The following HPS4 variants were observed in gnomAD, a reference collection of about 807,000 sequenced individuals.
HPS4 encodes BLOC-3 complex member HPS4.
HPS4 carries 44 observed loss-of-function variants against 70.3 expected under a neutral mutation model. That is an observed-to-expected ratio of 0.63 (90% CI 0.49 to 0.80). The LOEUF is 0.80. Ranked by LOEUF, HPS4 falls within the 30% of genes least tolerant of loss-of-function variation. The probability of loss-of-function intolerance (pLI) is 0.00; values close to 1 mark genes in which losing one functional copy is unlikely to be tolerated. For missense variants in HPS4, 873 were observed against 884.4 expected (o/e 0.99, Z 0.16); for synonymous variants, 377 against 355.9 (o/e 1.06, Z -0.67).
chr22:26,461,911 G>T (rs1264168595), intron 11 of HPS4, among the ~76,000 whole-genome samples: 2 of 152,236 alleles, frequency 1.3e-5, no homozygotes, highest in South Asian at 4.1e-4. Context: ...CAGATTACCT[G>T]AGGTCAGGAG....
intron 4 of HPS4, chr22:26,476,195 T>A (rs1213606449): frequency 6.6e-6 from 1 of 152,038 alleles, no homozygotes; most frequent in African/African-American, 2.4e-5. Context: ...TTTAAAAAAT[T>A]TTCGTAATAA....
At chr22:26,462,468 T>C (rs979396989) in intron 11 of HPS4, among the ~76,000 whole-genome samples, 10 of 152,234 alleles carry the variant, frequency 6.6e-5, no homozygotes, top group Admixed American at 3.9e-4. Flanking sequence ...GGCTGTTTTC[T>C]TACTGGTAAA....
downstream of HPS4, among the ~76,000 whole-genome samples, chr22:26,447,907 A>C (rs1293192559): frequency 6.6e-6 from 1 of 152,152 alleles, no homozygotes; most frequent in East Asian, 1.9e-4. Flanking sequence ...GTTCGAGGTG[A>C]GGGCACCTGC....
At chr22:26,482,663 C>T (rs2091408303) in intron 1 of HPS4, 2 of 152,164 alleles carry the variant, frequency 1.3e-5, no homozygotes, top group Admixed American at 6.5e-5. Context: ...AGAAAGACAG[C>T]TCAGTGTATC....
intron 6 of HPS4, 29 bp from the exon 7 acceptor site, chr22:26,470,842 C>G: frequency 6.2e-7 from 1 of 1,613,640 alleles, no homozygotes; most frequent in Non-Finnish European, 8.5e-7. Context: ...ATCATGCCCA[C>G]CCATCAGCAT....
intron 1 of HPS4, among the ~76,000 whole-genome samples, chr22:26,483,206 G>C (rs148254175): frequency 6.4e-4 from 97 of 152,302 alleles, no homozygotes; most frequent in Middle Eastern, 3.4e-3. Context: ...TCTGTTACTG[G>C]AACCAAGGAC....
intron 2 of HPS4, 94 bp from the exon 3 acceptor site, chr22:26,479,449 T>C (rs2146984261): frequency 6.5e-7 from 1 of 1,547,328 alleles, no homozygotes; most frequent in East Asian, 2.4e-5. Flanking sequence ...GAGGAGGGCT[T>C]ATTACTGTGT....
chr22:26,468,992 G>T (rs1313278638), intron 7 of HPS4, among the ~76,000 whole-genome samples: 3 of 152,126 alleles, frequency 2.0e-5, no homozygotes, highest in Non-Finnish European at 1.5e-5. Context: ...CATATGAACC[G>T]GTAAGGAAAT....
At chr22:26,444,596 T>TTA (rs1401039592) in exon 4 of HPS4, 7 of 152,228 alleles carry the variant, frequency 4.6e-5, no homozygotes, top group Non-Finnish European at 2.9e-5. Context: ...CAGTGTCAGA[T>TTA]TTATAAAGCC....
At chr22:26,478,432 G>A (rs1432901412) in intron 3 of HPS4, among the ~76,000 whole-genome samples, 1 of 151,914 alleles carries the variant, frequency 6.6e-6, no homozygotes, top group African/African-American at 2.4e-5. Context: ...TTAGCCGGGC[G>A]TGGTAGCGGG....
intron 13 of HPS4, among the ~76,000 whole-genome samples, chr22:26,455,743 T>TAA (rs386395105): frequency 0.046 from 6,663 of 145,362 alleles, 189 homozygotes; most frequent in African/African-American, 0.07. Flanking sequence ...ATAATAAAAT[T>TAA]AAAAAAAAAA....
Position 26,483,760 on chromosome 22 carries a change from C to T in HPS4, c.-565G>A, listed in dbSNP as rs2091578891. 1.7e-6 allele frequency: 1 copy of T among 580,994 alleles called. No individual in the cohort carries two copies. 36.0% of individuals were successfully genotyped at this position (580,994 alleles called of 1,614,324 possible). ...AGCTGGGTACCTGCGACTTCTGCCC[C>T]GTACCTGCGCGCGCGGCAGAGAGGC... On this transcript the variant is annotated 5_prime_UTR_variant, in exon 1 of 14. Transcript: ENST00000398145.
At chr22:26,443,408 A>G, downstream of HPS4, 1 of 531,722 alleles carries the variant, frequency 1.9e-6, no homozygotes, top group Non-Finnish European at 3.3e-6. Context: ...GTATTTCCTT[A>G]GATTTTTTTT....
chr22:26,447,701 A>G (rs1420433674), downstream of HPS4, among the ~76,000 whole-genome samples: 1 of 152,116 alleles, frequency 6.6e-6, no homozygotes, highest in African/African-American at 2.4e-5. Flanking sequence ...GGACAGAATA[A>G]GGCCACATAT....
chr22:26,477,166 A>C (rs1403195352), intron 3 of HPS4, 30 bp from the exon 4 acceptor site: 11 of 1,613,894 alleles, frequency 6.8e-6, no homozygotes, highest in Non-Finnish European at 9.3e-6. Flanking sequence ...TCCAGATAGG[A>C]AGCTGAAATT....
chr22:26,470,888 T>A, intron 6 of HPS4, 75 bp from the exon 7 acceptor site: 1 of 1,591,792 alleles, frequency 6.3e-7, no homozygotes, highest in Non-Finnish European at 8.6e-7. Context: ...GGGAAAGGGT[T>A]GTACAGAACA....
At chr22:26,465,713 G>T (rs1346683341) in intron 9 of HPS4, 162 bp from the exon 10 acceptor site, 2 of 637,624 alleles carry the variant, frequency 3.1e-6, no homozygotes, top group African/African-American at 1.8e-5. Context: ...ACTGCACCTC[G>T]AACTCCTGGG....
At chr22:26,467,106 T>C (rs368014028) in intron 8 of HPS4, 1 of 152,216 alleles carries the variant, frequency 6.6e-6, no homozygotes, top group East Asian at 1.9e-4. Flanking sequence ...AAATTTCATA[T>C]TTCTGCTTAA....
Position 26,458,498 on chromosome 22 carries a change from G to A in HPS4, c.1793C>T (p.Thr598Met), listed in dbSNP as rs149689335. 179 of 1,614,154 alleles carry A rather than the reference G, an allele frequency of 1.1e-4. No homozygotes were observed. Among genetic ancestry groups the A allele is most frequent in the Middle Eastern group, 6.6e-4 (4 of 6,062 alleles). ...ETLPRDEAAS[T>M]SSTYNFTHYD... ...ATGTGTGAAGTTGTAGGTGCTGCTC[G>A]TGGAGGCTGCCTCATCCCTGGGCAG... The change falls in exon 12 of 14, where the codon ACG (threonine) becomes ATG (methionine). Residue 598 changes from threonine (T) to methionine (M), a missense_variant. Coordinates refer to ENST00000398145, the MANE Select transcript of HPS4 (RefSeq NM_022081.6).
Sources: allele counts gnomAD v4.1 joint callset (sites outside exome capture counted in the v4.1 genomes callset), GRCh38; gene constraint gnomAD v4.1.1; transcripts MANE v1.5; gene names NCBI Gene and HGNC (gene_info 2026-07-23, HGNC 2026-07-21).